PKN2: variants seen among roughly 807,000 people sequenced by gnomAD.
The protein encoded by PKN2 is serine/threonine-protein kinase N2.
Under a neutral mutation model 119.1 loss-of-function variants are expected in PKN2, and 38 were observed. The ratio of observed to expected loss-of-function variants is 0.32; its 90% CI spans 0.25 to 0.42. PKN2 has a LOEUF of 0.42. PKN2 is among the 10% of genes least tolerant of loss of function. The pLI is 1.00. For synonymous variants in PKN2, 390 were observed against 384.9 expected (o/e 1.01, Z -0.15); for missense variants, 850 against 1,165.1 (o/e 0.73, Z 3.94).
chr1:88,749,181 T>A (rs1309700069), intron 2 of PKN2, among the ~76,000 whole-genome samples: 6 of 152,218 alleles, frequency 3.9e-5, no homozygotes, highest in Non-Finnish European at 7.3e-5. Context: ...TACAGAGTTA[T>A]GTACAGAATG....
intron 3 of PKN2, among the ~76,000 whole-genome samples, chr1:88,764,322 T>C (rs1215025633): frequency 6.6e-6 from 1 of 152,212 alleles, no homozygotes; most frequent in East Asian, 1.9e-4. Context: ...ACTTGGATGC[T>C]ACCACCTCAG....
chr1:88,829,961 T>G (rs912368199), intron 19 of PKN2, among the ~76,000 whole-genome samples: 9 of 152,228 alleles, frequency 5.9e-5, no homozygotes, highest in African/African-American at 2.2e-4. Context: ...GTGGATTCCT[T>G]GGAAAAGGAG....
intron 1 of PKN2, among the ~76,000 whole-genome samples, chr1:88,697,319 A>G (rs184845071): frequency 2.6e-5 from 4 of 152,300 alleles, no homozygotes; most frequent in African/African-American, 9.6e-5. Context: ...AACAGATTTT[A>G]AAAAACATTA....
intron 1 of PKN2, among the ~76,000 whole-genome samples, chr1:88,728,106 C>T (rs1199834966): frequency 6.8e-6 from 1 of 147,992 alleles, no homozygotes; most frequent in East Asian, 2.1e-4. Context: ...CCAGAGAATT[C>T]ATATCTTGTC....
intron 16 of PKN2, chr1:88,815,372 G>T: frequency 3.6e-6 from 1 of 277,640 alleles, no homozygotes; most frequent in South Asian, 3.3e-5. Flanking sequence ...GTAATTTTCT[G>T]AGTTCCCTAG....
Position 88,766,779 on chromosome 1 carries a change from C to T in PKN2, c.505-3573C>T, listed in dbSNP as rs540128262. On this transcript the variant is annotated intron_variant, in intron 3 of 21. Coordinates refer to ENST00000370521, the MANE Select transcript of PKN2 (RefSeq NM_006256.4). ...CATATTATGTGCTTAATAAAAATTC[C>T]ATTGAATGCCTGAAAACATAAAACT... Among the ~76,000 whole-genome samples the T allele has an allele frequency of 1.1e-3, 161 of 152,224 alleles. 1 individual carries two copies. Among genetic ancestry groups the T allele is most frequent in the African/African-American group, 3.6e-3 (148 of 41,554 alleles).
At chr1:88,705,937 A>C (rs926129255) in intron 1 of PKN2, among the ~76,000 whole-genome samples, 6 of 151,942 alleles carry the variant, frequency 3.9e-5, no homozygotes, top group African/African-American at 1.4e-4. Context: ...AGTCTTCCAA[A>C]TTTACTCTCC....
At chr1:88,748,492 G>A (rs1011287855) in intron 2 of PKN2, among the ~76,000 whole-genome samples, 4 of 152,134 alleles carry the variant, frequency 2.6e-5, no homozygotes, top group African/African-American at 9.7e-5. Flanking sequence ...CACAAAGAAC[G>A]TTAGGGTGGT....
Position 88,770,394 on chromosome 1 carries a change from A to G in PKN2, c.547A>G (p.Ser183Gly), listed in dbSNP as rs1440312239. The G allele has an allele frequency of 6.2e-7, 1 of 1,613,768 alleles. No homozygotes were observed. The highest frequency in any genetic ancestry group is 8.5e-7 in the Non-Finnish European group (1 of 1,179,658). ...TACAGCTCAGCAACTGCTCCAGGAC[A>G]GCAAGACAAAAATAGAAGTCATACG... ...HGTAQQLLQD[S>G]KTKIEVIRMQ... is the part of the protein sequence containing the mutation. The change falls in exon 4 of 22, where the codon AGC (serine) becomes GGC (glycine). Residue 183 changes from serine to glycine, a missense_variant. Ser to Gly is a moderately conservative substitution (Grantham distance 56, BLOSUM62 0). Transcript: ENST00000370521.
At chr1:88,809,881 G>T (rs921954290) in intron 15 of PKN2, among the ~76,000 whole-genome samples, 2 of 151,950 alleles carry the variant, frequency 1.3e-5, no homozygotes, top group African/African-American at 4.8e-5. Context: ...GAAGTGTTGT[G>T]ATTATAGGTG....
intron 1 of PKN2, among the ~76,000 whole-genome samples, chr1:88,738,126 G>A (rs1668427736): frequency 6.6e-6 from 1 of 151,316 alleles, no homozygotes; most frequent in Non-Finnish European, 1.5e-5. Context: ...TTCCTTAATT[G>A]TAAAGGAAGA....
intron 1 of PKN2, among the ~76,000 whole-genome samples, chr1:88,720,487 A>G (rs920215280): frequency 6.6e-6 from 1 of 152,156 alleles, no homozygotes; most frequent in Non-Finnish European, 1.5e-5. Flanking sequence ...GAATTTCTGC[A>G]TATTTCCAAA....
intron 1 of PKN2, among the ~76,000 whole-genome samples, chr1:88,701,528 C>CA (rs1231940288): frequency 6.6e-6 from 1 of 152,002 alleles, no homozygotes; most frequent in Non-Finnish European, 1.5e-5. Flanking sequence ...CGAAACAAAA[C>CA]AAAAAACAGC....
chr1:88,797,312 C>G (rs1176556797), intron 8 of PKN2, among the ~76,000 whole-genome samples: 1 of 141,900 alleles, frequency 7.0e-6, no homozygotes, highest in Admixed American at 7.2e-5. Flanking sequence ...CCAGCCTGGG[C>G]AACAAGAGCA....
chr1:88,725,439 T>C (rs1667857678), intron 1 of PKN2, among the ~76,000 whole-genome samples: 2 of 152,216 alleles, frequency 1.3e-5, no homozygotes, highest in Non-Finnish European at 2.9e-5. Flanking sequence ...TCTTTAGCCA[T>C]TTAAATAGGT....
chr1:88,780,811 A>G (rs996458607), intron 6 of PKN2, among the ~76,000 whole-genome samples: 1 of 151,926 alleles, frequency 6.6e-6, no homozygotes, highest in Non-Finnish European at 1.5e-5. Context: ...TCCATTGATT[A>G]AAATAAGGTT....
chr1:88,797,049 C>T (rs917935505), intron 8 of PKN2, among the ~76,000 whole-genome samples: 1 of 151,200 alleles, frequency 6.6e-6, no homozygotes, highest in Non-Finnish European at 1.5e-5. Flanking sequence ...TTGAAAATGT[C>T]AGGGCCAGGC....
intron 1 of PKN2, among the ~76,000 whole-genome samples, chr1:88,737,199 T>G (rs1306724148): frequency 6.6e-6 from 1 of 152,204 alleles, no homozygotes; most frequent in Non-Finnish European, 1.5e-5. Context: ...CCCATGGAAC[T>G]ATAGCCTGCC....
At chr1:88,830,810 C>T (rs1050066698) in intron 19 of PKN2, among the ~76,000 whole-genome samples, 12 of 152,030 alleles carry the variant, frequency 7.9e-5, no homozygotes, top group African/African-American at 2.9e-4. Context: ...TTTAGTATCT[C>T]CACAAGAGGG....
Sources: gnomAD v4.1 joint callset for allele counts (sites outside exome capture counted in the v4.1 genomes callset) on GRCh38, gnomAD v4.1.1 for gene constraint, MANE v1.5 for transcripts, NCBI Gene and HGNC (gene_info 2026-07-23, HGNC 2026-07-21) for gene names.